SLFN12L: variants seen among roughly 807,000 people sequenced by gnomAD.
The protein encoded by SLFN12L is schlafen family member 12-like.
Under a neutral mutation model 34.8 loss-of-function variants are expected in SLFN12L, and 34 were observed. The ratio of observed to expected loss-of-function variants is 0.98; its 90% CI spans 0.74 to 1.30. The LOEUF (loss-of-function observed/expected upper bound fraction) is 1.30. SLFN12L is among the 50% of genes most tolerant of loss of function. The probability of loss-of-function intolerance (pLI) is 0.00; values close to 1 mark genes in which losing one functional copy is unlikely to be tolerated. For missense variants in SLFN12L, 703 were observed against 696.2 expected, an observed-to-expected ratio of 1.01 and a Z score of -0.11; for synonymous variants, 259 against 247.5, an observed-to-expected ratio of 1.05 and a Z score of -0.44.
intron 2 of SLFN12L, chr17:35,489,989 T>C: frequency 6.5e-7 from 1 of 1,548,798 alleles, no homozygotes; most frequent in East Asian, 2.2e-5. Context: ...AAATTGGGAA[T>C]AGAAAGAAAT....
intron 4 of SLFN12L, 112 bp downstream of exon 4, chr17:35,477,963 A>G: frequency 4.4e-6 from 3 of 688,910 alleles, no homozygotes; most frequent in Non-Finnish European, 4.7e-6. Context: ...AAGAATTTCC[A>G]TAAACAAAAG....
intron 2 of SLFN12L, among the ~76,000 whole-genome samples, chr17:35,493,473 G>T (rs765262137): frequency 2.0e-5 from 3 of 152,160 alleles, no homozygotes; most frequent in Non-Finnish European, 1.5e-5. Context: ...TGTGTGTTTT[G>T]TTGAAATTGT....
chr17:35,502,355 A>C (rs114034947), intron 2 of SLFN12L, among the ~76,000 whole-genome samples: 1,956 of 151,274 alleles, frequency 0.013, 42 homozygotes, highest in African/African-American at 0.045. Context: ...AGAAAGTAAA[A>C]AATAACTTTT....
At chr17:35,497,473 G>C (rs1334977577) in intron 2 of SLFN12L, among the ~76,000 whole-genome samples, 1 of 152,074 alleles carries the variant, frequency 6.6e-6, no homozygotes, top group Non-Finnish European at 1.5e-5. Flanking sequence ...GAGCCACCTA[G>C]GCTTAGTAGC....
rs1212026407 is a variant in SLFN12L at position 35,479,247 on chromosome 17, A to G, written c.1035T>C (p.Tyr345=). 1.3e-6 allele frequency: 2 copies of G among 1,593,766 alleles called. No homozygotes were observed. Among genetic ancestry groups the G allele is most frequent in the Non-Finnish European group, 1.7e-6 (2 of 1,168,558 alleles). ...YDKGRLCGYV[Y]ALRVERFCCA... Reference sequence around the variant, plus strand: ...AGCAGAAGCGTTCCACTCTGAGTGCATACACATATCCACAAAGCCTTCCTT... The same window carrying G: ...AGCAGAAGCGTTCCACTCTGAGTGCGTACACATATCCACAAAGCCTTCCTT... The change falls in exon 3 of 5, where the codon TAT becomes TAC. Residue 345 remains tyrosine (Y), a synonymous_variant. Coordinates refer to ENST00000628453, the MANE Select transcript of SLFN12L (RefSeq NM_001363830.2).
chr17:35,530,520 A>AG (rs2072398650), intron 1 of SLFN12L, among the ~76,000 whole-genome samples: 1 of 39,612 alleles, frequency 2.5e-5, no homozygotes, highest in African/African-American at 8.4e-5. Flanking sequence ...AAGAAAAGAA[A>AG]AGAAAAGAAA....
At chr17:35,488,278 G>T (rs1914688039) in intron 2 of SLFN12L, among the ~76,000 whole-genome samples, 1 of 152,228 alleles carries the variant, frequency 6.6e-6, no homozygotes, top group African/African-American at 2.4e-5. Context: ...TCCCAGAGCA[G>T]CCCTGCTGTC....
At chr17:35,488,961 T>C (rs953132173) in intron 2 of SLFN12L, among the ~76,000 whole-genome samples, 3 of 151,688 alleles carry the variant, frequency 2.0e-5, no homozygotes, top group Non-Finnish European at 4.4e-5. Context: ...TCCCAGCTAC[T>C]CGGGAGGCTG....
At chr17:35,504,609 C>A (rs1388076691) in intron 2 of SLFN12L, among the ~76,000 whole-genome samples, 2 of 152,180 alleles carry the variant, frequency 1.3e-5, no homozygotes, top group South Asian at 2.1e-4. Flanking sequence ...CATGGTAGCT[C>A]TTTTCCAGGA....
chr17:35,532,158 G>C (rs776041932), intron 1 of SLFN12L, among the ~76,000 whole-genome samples: 16 of 152,168 alleles, frequency 1.1e-4, no homozygotes, highest in Non-Finnish European at 2.1e-4. Flanking sequence ...TTTAAAAATA[G>C]GCACAGGCCG....
chr17:35,527,169 G>A (rs901662598), intron 1 of SLFN12L, among the ~76,000 whole-genome samples: 2 of 152,084 alleles, frequency 1.3e-5, no homozygotes, highest in African/African-American at 2.4e-5. Flanking sequence ...GGAAGAAGTC[G>A]AATCCCTGAA....
intron 2 of SLFN12L, among the ~76,000 whole-genome samples, chr17:35,521,960 G>A (rs564419010): frequency 3.3e-4 from 50 of 152,178 alleles, no homozygotes; most frequent in African/African-American, 1.2e-3. Context: ...ACACACACCG[G>A]GGCCTGTTGT....
intron 2 of SLFN12L, among the ~76,000 whole-genome samples, chr17:35,517,495 T>C (rs536915000): frequency 1.3e-5 from 2 of 152,344 alleles, no homozygotes; most frequent in South Asian, 4.1e-4. Flanking sequence ...ATAGATTCAA[T>C]GCTATTCCCA....
chr17:35,512,542 A>G (rs1460741640), intron 2 of SLFN12L, among the ~76,000 whole-genome samples: 1 of 151,700 alleles, frequency 6.6e-6, no homozygotes, highest in East Asian at 1.9e-4. Context: ...ATTTTTTTGT[A>G]TTTTTAGTAC....
chr17:35,527,524 C>G (rs1026923294), intron 1 of SLFN12L, among the ~76,000 whole-genome samples: 16 of 152,160 alleles, frequency 1.1e-4, no homozygotes, highest in African/African-American at 3.4e-4. Flanking sequence ...CAGCTTCATC[C>G]CTGGGATGCA....
chr17:35,496,255 G>T (rs774393170), intron 2 of SLFN12L, among the ~76,000 whole-genome samples: 2 of 152,088 alleles, frequency 1.3e-5, no homozygotes, highest in African/African-American at 4.8e-5. Context: ...AGGCCGAAAT[G>T]GGCGAATCTT....
intron 1 of SLFN12L, among the ~76,000 whole-genome samples, chr17:35,533,356 T>C (rs1173545097): frequency 6.6e-6 from 1 of 152,234 alleles, no homozygotes; most frequent in African/African-American, 2.4e-5. Flanking sequence ...AAATCTATTA[T>C]TTGCCTAGCA....
In SLFN12L at chr17:35,471,581, C is replaced by T. The variant is rs142092854; in HGVS notation, c.*3342G>A. Among the ~76,000 whole-genome samples, 1,306 of 152,310 alleles carry T rather than the reference C, an allele frequency of 8.6e-3. 9 individuals carry two copies. The highest frequency in any genetic ancestry group is 0.014 in the Non-Finnish European group (954 of 68,030). ...CACAATGGTTGAACTAATTTACATT[C>T]CCACCAACAGTGTAAAAGCATTCCT... On this transcript the variant is annotated 3_prime_UTR_variant, in exon 5 of 5. Coordinates refer to ENST00000628453, the MANE Select transcript of SLFN12L (RefSeq NM_001363830.2).
intron 2 of SLFN12L, chr17:35,490,664 T>C (rs1008406737): frequency 1.0e-6 from 1 of 997,846 alleles, no homozygotes; most frequent in Non-Finnish European, 1.6e-6. Context: ...AGCTGCACGC[T>C]GGACCTCAAA....
Sources: gnomAD v4.1 joint callset for allele counts (sites outside exome capture counted in the v4.1 genomes callset) on GRCh38, gnomAD v4.1.1 for gene constraint, MANE v1.5 for transcripts, NCBI Gene and HGNC (gene_info 2026-07-23, HGNC 2026-07-21) for gene names.